Variants in AK5 observed in about 807,000 individuals in gnomAD.
AK5 encodes the protein adenylate kinase 5, also known as adenylate kinase isoenzyme 5.
A neutral mutation model predicts 69.5 loss-of-function variants in AK5; 27 were observed. That is an observed-to-expected ratio of 0.39 (90% CI 0.29 to 0.54). The LOEUF (loss-of-function observed/expected upper bound fraction) is 0.54. AK5 is among the 20% of genes least tolerant of loss of function. AK5 has a pLI of 0.71. For missense variants in AK5, 531 were observed against 700.4 expected (o/e 0.76, Z 2.73); for synonymous variants, 260 against 244.4 (o/e 1.06, Z -0.60).
intron 2 of AK5, among the ~76,000 whole-genome samples, chr1:77,288,676 T>C (rs1658502251): frequency 6.6e-6 from 1 of 152,288 alleles, no homozygotes; most frequent in East Asian, 1.9e-4. Flanking sequence ...CTGACCAAAC[T>C]TCCCACTGCT....
At chr1:77,382,941 C>A (rs997696315) in intron 6 of AK5, among the ~76,000 whole-genome samples, 10 of 152,118 alleles carry the variant, frequency 6.6e-5, no homozygotes, top group African/African-American at 2.2e-4. Context: ...GTTCAGACAA[C>A]CCACTTATGG....
At chr1:77,416,659 C>T (rs767276939) in intron 7 of AK5, among the ~76,000 whole-genome samples, 64 of 151,910 alleles carry the variant, frequency 4.2e-4, no homozygotes, top group Non-Finnish European at 6.6e-4. Context: ...GGACATACCC[C>T]GACTCATTTG....
At chr1:77,509,216 G>A (rs922017923) in intron 10 of AK5, among the ~76,000 whole-genome samples, 1 of 152,196 alleles carries the variant, frequency 6.6e-6, no homozygotes, top group South Asian at 2.1e-4. Context: ...CATGGTTTCT[G>A]CTATCAAGAC....
At chr1:77,345,298 A>T (rs1661858758) in intron 6 of AK5, among the ~76,000 whole-genome samples, 1 of 152,214 alleles carries the variant, frequency 6.6e-6, no homozygotes, top group Non-Finnish European at 1.5e-5. Context: ...ACTAATTCAT[A>T]CGCAGGTTTA....
At chr1:77,555,350 G>C (rs1476217948) in intron 13 of AK5, among the ~76,000 whole-genome samples, 2 of 152,126 alleles carry the variant, frequency 1.3e-5, no homozygotes, top group African/African-American at 4.8e-5. Context: ...GGGTACATAA[G>C]CCTCTTCATA....
intron 7 of AK5, among the ~76,000 whole-genome samples, chr1:77,411,349 T>C (rs1650033826): frequency 6.6e-6 from 1 of 151,972 alleles, no homozygotes; most frequent in Non-Finnish European, 1.5e-5. Context: ...AATAGAAAAA[T>C]ATCTAACCTA....
intron 8 of AK5, among the ~76,000 whole-genome samples, chr1:77,419,719 G>A (rs2100586981): frequency 6.6e-6 from 1 of 152,266 alleles, no homozygotes; most frequent in Non-Finnish European, 1.5e-5. Context: ...AGAATGATTG[G>A]TTCAACATAT....
intron 8 of AK5, among the ~76,000 whole-genome samples, chr1:77,418,750 T>A (rs1650596958): frequency 6.6e-6 from 1 of 152,070 alleles, no homozygotes; most frequent in Non-Finnish European, 1.5e-5. Flanking sequence ...TTCCCATCTT[T>A]AACTAATATT....
At position 77,467,724 on chromosome 1, in the gene AK5, A is replaced by G. The variant is rs115321134; in HGVS notation, c.1060-15593A>G. 6.3e-3 allele frequency among the ~76,000 whole-genome samples: 956 copies of G among 152,336 alleles called. 18 individuals carry two copies. The highest frequency in any genetic ancestry group is 0.022 in the African/African-American group (921 of 41,566). ...ACAAGTATTGATTCCAGCCTATGAA[A>G]TATTCCCACTGTCCTTTAAAGTTTT... On this transcript the variant is annotated intron_variant, in intron 8 of 13. Transcript: ENST00000354567.
intron 10 of AK5, among the ~76,000 whole-genome samples, chr1:77,512,999 C>T (rs1410693407): frequency 6.6e-6 from 1 of 152,124 alleles, no homozygotes; most frequent in Non-Finnish European, 1.5e-5. Flanking sequence ...CCCCATTTTA[C>T]AGATAAGAAA....
At chr1:77,410,251 C>T (rs1649949110) in intron 6 of AK5, among the ~76,000 whole-genome samples, 1 of 151,552 alleles carries the variant, frequency 6.6e-6, no homozygotes, top group South Asian at 2.1e-4. Flanking sequence ...AGTATAGTAT[C>T]TGAAATTTGG....
chr1:77,429,157 G>C (rs1319476343), intron 8 of AK5, among the ~76,000 whole-genome samples: 1 of 152,138 alleles, frequency 6.6e-6, no homozygotes, highest in Non-Finnish European at 1.5e-5. Flanking sequence ...TCTAGTTCTA[G>C]ATCCCTGAGG....
chr1:77,358,650 T>G (rs1371746353), intron 6 of AK5, among the ~76,000 whole-genome samples: 2 of 152,168 alleles, frequency 1.3e-5, no homozygotes, highest in African/African-American at 4.8e-5. Flanking sequence ...AATTTTGTCT[T>G]AATTACTTAA....
intron 8 of AK5, among the ~76,000 whole-genome samples, chr1:77,479,616 G>C (rs910138575): frequency 3.9e-5 from 6 of 152,050 alleles, no homozygotes; most frequent in Non-Finnish European, 7.4e-5. Context: ...GAGTCTTAAA[G>C]GTCACTTAAA....
intron 6 of AK5, among the ~76,000 whole-genome samples, chr1:77,363,131 G>A (rs1646894130): frequency 6.6e-6 from 1 of 152,134 alleles, no homozygotes; most frequent in Admixed American, 6.6e-5. Context: ...CGTCTCAGGT[G>A]TAACACATAC....
Position 77,297,706 on chromosome 1 carries a change from C to T in AK5, c.563C>T (p.Thr188Ile). The T allele has an allele frequency of 1.2e-6, 2 of 1,612,650 alleles. No homozygotes were observed. The highest frequency in any genetic ancestry group is 1.7e-6 in the Non-Finnish European group (2 of 1,179,566). The change falls in exon 4 of 14, where the codon ACA becomes ATA. Residue 188 changes from threonine to isoleucine, a missense_variant. Thr to Ile is a moderately conservative substitution (Grantham distance 89). Coordinates refer to ENST00000354567, the MANE Select transcript of AK5 (RefSeq NM_174858.3). ...RKWSLIAKII[T>I]TGELAPQETT... ...TGGAGTCTTATTGCCAAGATAATTACAACTGGAGAATTGGCCCCACAGGTA... is the reference window on the plus strand; with the variant it reads ...TGGAGTCTTATTGCCAAGATAATTATAACTGGAGAATTGGCCCCACAGGTA...
At chr1:77,379,146 A>C (rs925514802) in intron 6 of AK5, among the ~76,000 whole-genome samples, 44 of 152,206 alleles carry the variant, frequency 2.9e-4, no homozygotes, top group Non-Finnish European at 5.9e-4. Flanking sequence ...CAGCGGTTGA[A>C]CAGGAAGGAG....
intron 5 of AK5, among the ~76,000 whole-genome samples, chr1:77,335,142 A>C (rs915801926): frequency 1.3e-5 from 2 of 152,218 alleles, no homozygotes; most frequent in African/African-American, 4.8e-5. Flanking sequence ...GGAGCATTAA[A>C]ATGAGCTCAC....
At chr1:77,464,211 G>A (rs1231604162) in intron 8 of AK5, among the ~76,000 whole-genome samples, 1 of 152,140 alleles carries the variant, frequency 6.6e-6, no homozygotes, top group Non-Finnish European at 1.5e-5. Flanking sequence ...GGGGGAAACA[G>A]GGACTCTCTC....
Sources: allele counts gnomAD v4.1 joint callset (sites outside exome capture counted in the v4.1 genomes callset), GRCh38; gene constraint gnomAD v4.1.1; transcripts MANE v1.5; gene names NCBI Gene and HGNC (gene_info 2026-07-23, HGNC 2026-07-21).